Variants in PRKAR1B observed in about 807,000 individuals in gnomAD.
PRKAR1B encodes the protein protein kinase cAMP-dependent type I regulatory subunit beta.
In PRKAR1B, 22 loss-of-function variants were observed where a neutral mutation model predicts 46.5. The observed-to-expected ratio is 0.47, with a 90% CI of 0.34 to 0.68. The LOEUF (loss-of-function observed/expected upper bound fraction) is 0.68, where lower values mean the gene tolerates loss of function less well. PRKAR1B is among the 30% of genes least tolerant of loss of function. PRKAR1B has a pLI of 0.01. For synonymous variants in PRKAR1B, 259 were observed against 217.7 expected, an observed-to-expected ratio of 1.19 and a Z score of -1.67; for missense variants, 445 against 535.6, an observed-to-expected ratio of 0.83 and a Z score of 1.67.
At chr7:718,560 T>C (rs192952558) in intron 1 of PRKAR1B, among the ~76,000 whole-genome samples, 1 of 152,094 alleles carries the variant, frequency 6.6e-6, no homozygotes. Flanking sequence ...TTTGACCATG[T>C]TGGCCAGGCT....
At position 632,834 on chromosome 7, in the gene PRKAR1B, C is replaced by T. The variant is rs151060996; in HGVS notation, c.441-25382G>A. On this transcript the variant is annotated intron_variant, in intron 4 of 10. Coordinates refer to ENST00000537384, the MANE Select transcript of PRKAR1B (RefSeq NM_001164760.2). ...CACCCGCAACAGGTCTGGGACTCTA[C>T]GGGGCTGTGTGCCCAGCCACAGCCT... 1.9e-3 allele frequency among the ~76,000 whole-genome samples: 221 copies of T among 115,762 alleles called. 5 individuals are homozygous for T. In the East Asian group the frequency reaches 0.062, roughly 32 times the overall value. The allele number at this position is 115,762 out of a possible 152,430, so 75.9% of individuals were successfully genotyped here. A position where few individuals can be genotyped will look rare whatever the true frequency, so the allele number is the denominator to read the frequency against.
intron 2 of PRKAR1B, among the ~76,000 whole-genome samples, chr7:682,943 C>T (rs927176854): frequency 1.3e-5 from 2 of 152,176 alleles, no homozygotes; most frequent in Admixed American, 1.3e-4. Context: ...CTCTCCCTCC[C>T]GGCCTCACCC....
At chr7:704,925 A>T (rs1315381235) in intron 2 of PRKAR1B, among the ~76,000 whole-genome samples, 1 of 152,238 alleles carries the variant, frequency 6.6e-6, no homozygotes, top group Non-Finnish European at 1.5e-5. Context: ...ACTTCACCAA[A>T]GAAGATATTT....
At chr7:563,623 CTGTG>C (rs940070765) in intron 9 of PRKAR1B, among the ~76,000 whole-genome samples, 7 of 152,078 alleles carry the variant, frequency 4.6e-5, no homozygotes, top group East Asian at 1.9e-4. Context: ...TGTGTATGCA[CTGTG>C]TGTGTGCATG....
rs1784026097 is a variant in PRKAR1B, at chr7:549,244, TAAG to T, written c.*1183_*1185del. The stretch of plus-strand genomic sequence containing the variant: ...CTTCATGCAGTATTCAGAGCAGAGA[TAAG>T]GGGGGGGATGGCTCACAGGTCCACA... On this transcript the variant is annotated 3_prime_UTR_variant, in exon 11 of 11. Transcript: ENST00000537384. The T allele has an allele frequency of 7.1e-6, 1 of 139,948 alleles. No individual in the cohort carries two copies. Among genetic ancestry groups the T allele is most frequent in the Non-Finnish European group, 1.6e-5 (1 of 63,296 alleles). 8.7% of individuals were successfully genotyped at this position (139,948 alleles called of 1,614,324 possible).
intron 4 of PRKAR1B, among the ~76,000 whole-genome samples, chr7:616,393 G>A (rs1380620892): frequency 6.6e-6 from 1 of 152,230 alleles, no homozygotes; most frequent in Admixed American, 6.5e-5. Context: ...GCCACCACCT[G>A]TGCCCACCAG....
chr7:647,776 C>T (rs112552357), intron 4 of PRKAR1B, among the ~76,000 whole-genome samples: 2,570 of 137,942 alleles, frequency 0.019, 84 homozygotes, highest in African/African-American at 0.068. Context: ...CACTGCACTC[C>T]AGCCTGGGCA....
intron 2 of PRKAR1B, among the ~76,000 whole-genome samples, chr7:689,221 A>T (rs1779275562): frequency 1.3e-5 from 2 of 151,876 alleles, no homozygotes; most frequent in South Asian, 4.2e-4. Flanking sequence ...TCCCAGGTTC[A>T]TGCCATTCTC....
chr7:629,451 G>C (rs367613447), intron 4 of PRKAR1B, among the ~76,000 whole-genome samples: 13 of 108,502 alleles, frequency 1.2e-4, no homozygotes, highest in South Asian at 1.0e-3. Context: ...CACGGCCTCC[G>C]AGGGCGCCAC....
chr7:555,387 G>T (rs149232475), intron 9 of PRKAR1B, among the ~76,000 whole-genome samples: 5 of 152,106 alleles, frequency 3.3e-5, no homozygotes, highest in South Asian at 2.1e-4. Flanking sequence ...TCTGGAATCC[G>T]GTTCTAAGTG....
intron 4 of PRKAR1B, among the ~76,000 whole-genome samples, chr7:623,254 G>T (rs1328210342): frequency 2.0e-5 from 3 of 152,170 alleles, no homozygotes; most frequent in Non-Finnish European, 4.4e-5. Context: ...TCCCGGCTGG[G>T]GTGCCAACAG....
intron 1 of PRKAR1B, among the ~76,000 whole-genome samples, chr7:712,190 G>C (rs1338460704): frequency 2.1e-5 from 3 of 144,878 alleles, no homozygotes; most frequent in African/African-American, 5.1e-5. Flanking sequence ...GGAGTGCCCA[G>C]ACCGCCGGGA....
At chr7:629,789 G>A (rs77866837) in intron 4 of PRKAR1B, among the ~76,000 whole-genome samples, 3 of 97,766 alleles carry the variant, frequency 3.1e-5, no homozygotes, top group Non-Finnish European at 6.1e-5. Flanking sequence ...CGGCCTCCGA[G>A]GGCGTCACCA....
chr7:725,856 C>T (rs1192867031), intron 1 of PRKAR1B, among the ~76,000 whole-genome samples: 2 of 152,210 alleles, frequency 1.3e-5, no homozygotes, highest in African/African-American at 2.4e-5. Flanking sequence ...ACCACCCACA[C>T]CACTAATCTG....
At chr7:647,725 G>T (rs1784687671) in intron 4 of PRKAR1B, among the ~76,000 whole-genome samples, 1 of 142,448 alleles carries the variant, frequency 7.0e-6, no homozygotes, top group Non-Finnish European at 1.5e-5. Context: ...AGAATGGCAT[G>T]AACCTGGGGG....
At chr7:566,055 A>C (rs1779106085) in intron 9 of PRKAR1B, among the ~76,000 whole-genome samples, 1 of 152,206 alleles carries the variant, frequency 6.6e-6, no homozygotes, top group South Asian at 2.1e-4. Context: ...ATTACCTCAG[A>C]GACTCGTAAG....
chr7:585,392 G>A (rs112231649), intron 7 of PRKAR1B, among the ~76,000 whole-genome samples: 7,259 of 152,162 alleles, frequency 0.048, 504 homozygotes, highest in African/African-American at 0.15. Flanking sequence ...CGGTGGGTAC[G>A]ATTCAGCACT....
At position 558,279 on chromosome 7, in the gene PRKAR1B, T is replaced by C. The variant is rs900577295; in HGVS notation, c.892-6809A>G. On this transcript the variant is annotated intron_variant, in intron 9 of 10. Coordinates refer to ENST00000537384, the MANE Select transcript of PRKAR1B (RefSeq NM_001164760.2). ...AGGTCGAGGCTGCAGTGAGCCATGA[T>C]TGTACCACTGCACTCCAGCCTGGGT... Among the ~76,000 whole-genome samples, 5 of 145,680 alleles carry C rather than the reference T, an allele frequency of 3.4e-5. No homozygotes were observed. In the East Asian group the frequency reaches 8.1e-4, roughly 24 times the overall value.
At chr7:575,812 T>A (rs1779786766) in intron 9 of PRKAR1B, among the ~76,000 whole-genome samples, 1 of 152,170 alleles carries the variant, frequency 6.6e-6, no homozygotes, top group Admixed American at 6.5e-5. Context: ...TGGGCTCGAG[T>A]GATCCTCTTC....
Sources: allele counts gnomAD v4.1 joint callset (sites outside exome capture counted in the v4.1 genomes callset), GRCh38; gene constraint gnomAD v4.1.1; transcripts MANE v1.5; gene names NCBI Gene and HGNC (gene_info 2026-07-23, HGNC 2026-07-21).